The following SYT1 variants were observed in gnomAD, a reference collection of about 807,000 sequenced individuals.
The protein encoded by SYT1 is synaptotagmin-1.
A neutral mutation model predicts 44.8 loss-of-function variants in SYT1; 8 were observed. The ratio of observed to expected loss-of-function variants is 0.18; its 90% CI spans 0.10 to 0.32. The LOEUF is 0.32. Among genes scored for constraint, SYT1 ranks in the 10% least tolerant of loss-of-function variants. The probability of loss-of-function intolerance (pLI) is 1.00; values close to 1 mark genes in which losing one functional copy is unlikely to be tolerated. For synonymous variants in SYT1, 154 were observed against 188.8 expected (o/e 0.82, Z 1.51); for missense variants, 286 against 509.3 (o/e 0.56, Z 4.22).
chr12:79,025,694 A>G (rs764527943), intron 2 of SYT1, among the ~76,000 whole-genome samples: 1 of 151,500 alleles, frequency 6.6e-6, no homozygotes, highest in African/African-American at 2.4e-5. Context: ...TAGGCTCTGT[A>G]TTTTGTTCTT....
intron 3 of SYT1, among the ~76,000 whole-genome samples, chr12:79,188,098 T>A (rs975212369): frequency 2.0e-5 from 3 of 152,242 alleles, no homozygotes; most frequent in African/African-American, 7.2e-5. Context: ...TCTTGTAAAT[T>A]TCATATTTAT....
At chr12:79,367,328 C>G (rs1266047575) in intron 9 of SYT1, among the ~76,000 whole-genome samples, 2 of 152,130 alleles carry the variant, frequency 1.3e-5, no homozygotes, top group South Asian at 4.1e-4. Flanking sequence ...AAGTTGGAAC[C>G]TGCTGTTGCA....
At chr12:79,394,517 A>T (rs958166232) in intron 9 of SYT1, among the ~76,000 whole-genome samples, 1 of 152,228 alleles carries the variant, frequency 6.6e-6, no homozygotes, top group Non-Finnish European at 1.5e-5. Context: ...AACCCATTTA[A>T]GCTAATAAAG....
intron 2 of SYT1, among the ~76,000 whole-genome samples, chr12:79,010,223 G>T (rs1434592297): frequency 6.6e-6 from 1 of 152,120 alleles, no homozygotes; most frequent in Non-Finnish European, 1.5e-5. Flanking sequence ...AAATTGGATA[G>T]AAACAAATTG....
chr12:78,901,179 T>C (rs1875643439), intron 1 of SYT1, among the ~76,000 whole-genome samples: 1 of 152,122 alleles, frequency 6.6e-6, no homozygotes, highest in African/African-American at 2.4e-5. Flanking sequence ...TAATGTGTCA[T>C]GAAATTTTTC....
intron 9 of SYT1, among the ~76,000 whole-genome samples, chr12:79,366,225 T>C (rs1199671373): frequency 6.6e-6 from 1 of 152,238 alleles, no homozygotes; most frequent in Non-Finnish European, 1.5e-5. Flanking sequence ...ATTAGGAATC[T>C]ATTCTAATCT....
intron 9 of SYT1, among the ~76,000 whole-genome samples, chr12:79,437,794 T>G (rs758456995): frequency 6.6e-6 from 1 of 152,180 alleles, no homozygotes; most frequent in Non-Finnish European, 1.5e-5. Context: ...AGCAATAATA[T>G]TGGAAGCATA....
chr12:78,959,950 T>C (rs1036027838), intron 1 of SYT1, among the ~76,000 whole-genome samples: 1 of 152,172 alleles, frequency 6.6e-6, no homozygotes, highest in Admixed American at 6.5e-5. Context: ...TAAACACTAC[T>C]GGTGATTTTG....
intron 2 of SYT1, among the ~76,000 whole-genome samples, chr12:79,037,436 A>G (rs1435491437): frequency 6.6e-6 from 1 of 151,776 alleles, no homozygotes; most frequent in Non-Finnish European, 1.5e-5. Context: ...CTGCCAACAG[A>G]TGTTTTCGTA....
intron 9 of SYT1, among the ~76,000 whole-genome samples, chr12:79,396,012 A>G (rs1033397841): frequency 6.6e-6 from 1 of 152,220 alleles, no homozygotes. Context: ...ATCCTAAATT[A>G]GTTACTACAC....
chr12:79,111,006 A>G (rs1878981454), intron 3 of SYT1, among the ~76,000 whole-genome samples: 1 of 151,898 alleles, frequency 6.6e-6, no homozygotes, highest in African/African-American at 2.4e-5. Flanking sequence ...AGTGTTCCTC[A>G]CCTCTCACCT....
intron 3 of SYT1, among the ~76,000 whole-genome samples, chr12:79,106,044 C>T (rs12302671): frequency 0.14 from 22,034 of 152,004 alleles, 1,658 homozygotes; most frequent in South Asian, 0.19. Context: ...GAAATACAGA[C>T]GGTGGGGAAG....
chr12:79,014,978 G>T, intron 2 of SYT1, among the ~76,000 whole-genome samples: 1 of 151,450 alleles, frequency 6.6e-6, no homozygotes, highest in Non-Finnish European at 1.5e-5. Flanking sequence ...ACCAAACACC[G>T]CATGTTCTCA....
intron 4 of SYT1, among the ~76,000 whole-genome samples, chr12:79,236,965 A>T (rs888001842): frequency 4.6e-5 from 7 of 152,226 alleles, no homozygotes; most frequent in Non-Finnish European, 8.8e-5. Context: ...ACCATTCAAG[A>T]TATTCAAACA....
At chr12:78,906,109 G>C (rs1875966345) in intron 1 of SYT1, among the ~76,000 whole-genome samples, 1 of 151,892 alleles carries the variant, frequency 6.6e-6, no homozygotes, top group South Asian at 2.1e-4. Flanking sequence ...AAAGAAATTT[G>C]TGTATTTAGA....
chr12:79,311,789 G>A (rs1441938824), intron 8 of SYT1, among the ~76,000 whole-genome samples: 34 of 139,662 alleles, frequency 2.4e-4, no homozygotes, highest in African/African-American at 8.4e-4. Flanking sequence ...AACACCGCAT[G>A]TTCTCACTCA....
chr12:79,426,541 G>A (rs1869460067), intron 9 of SYT1, among the ~76,000 whole-genome samples: 1 of 152,042 alleles, frequency 6.6e-6, no homozygotes. Context: ...GAAAATTCAT[G>A]TCCTTAACTG....
In SYT1 at chr12:79,211,018, A is replaced by C. The variant is rs968887564; in HGVS notation, c.-17-6485A>C. Among the ~76,000 whole-genome samples the C allele has an allele frequency of 2.6e-5, 4 of 152,096 alleles. No individual in the cohort carries two copies. The East Asian group carries it at 7.7e-4, about 29-fold the overall frequency. On this transcript the variant is annotated intron_variant, in intron 3 of 10. Coordinates refer to ENST00000261205, the MANE Select transcript of SYT1 (RefSeq NM_005639.3). ...GTTTTCTCCAGAATAAAAGTTTTAA[A>C]GATTTTTTTTCTTTTTGTAATTTAA...
At chr12:79,415,486 G>C (rs1335169535) in intron 9 of SYT1, among the ~76,000 whole-genome samples, 1 of 152,102 alleles carries the variant, frequency 6.6e-6, no homozygotes, top group Non-Finnish European at 1.5e-5. Context: ...CTGGAAAGTG[G>C]AGACAGTAAA....
Sources: allele counts gnomAD v4.1 joint callset (sites outside exome capture counted in the v4.1 genomes callset), GRCh38; gene constraint gnomAD v4.1.1; transcripts MANE v1.5; gene names NCBI Gene and HGNC (gene_info 2026-07-23, HGNC 2026-07-21).